Variants in NRXN3 observed in about 807,000 individuals in gnomAD.
NRXN3 encodes neurexin III.
NRXN3 carries 32 observed loss-of-function variants against 137.6 expected under a neutral mutation model. The ratio of observed to expected loss-of-function variants is 0.23; its 90% CI spans 0.18 to 0.31. The LOEUF is 0.31. Among genes scored for constraint, NRXN3 ranks in the 10% least tolerant of loss-of-function variants. The pLI, the probability that NRXN3 is intolerant of heterozygous loss-of-function variation, is 1.00. For synonymous variants in NRXN3, 798 were observed against 784.5 expected (o/e 1.02, Z -0.29); for missense variants, 1,574 against 2,062.5 (o/e 0.76, Z 4.59).
intron 17 of NRXN3, among the ~76,000 whole-genome samples, chr14:79,674,980 CA>C (rs930862851): frequency 2.0e-5 from 3 of 151,970 alleles, no homozygotes; most frequent in African/African-American, 7.2e-5. Context: ...TAATTAATAA[CA>C]GGTAAGACTG....
At chr14:79,018,906 TA>T (rs2099584230) in intron 15 of NRXN3, among the ~76,000 whole-genome samples, 1 of 152,238 alleles carries the variant, frequency 6.6e-6, no homozygotes. Flanking sequence ...AGCTGCTGAT[TA>T]AACATCTGTT....
chr14:79,003,232 C>G (rs10150326), intron 15 of NRXN3, among the ~76,000 whole-genome samples: 7,340 of 152,088 alleles, frequency 0.048, 635 homozygotes, highest in African/African-American at 0.17. Flanking sequence ...TTGGTTCTTG[C>G]CTGGAATGAA....
chr14:79,243,649 T>C lies in NRXN3; in HGVS notation c.3263-223572T>C, dbSNP rs189312089. Among the ~76,000 whole-genome samples, 15 of 152,306 alleles carry C rather than the reference T, an allele frequency of 9.8e-5. No individual in the cohort carries two copies. In the East Asian group the frequency reaches 1.5e-3, roughly 16 times the overall value. ...GACGATATAGCCTGTTGCTATATGGTACAGCCTATTGTTCCTAGGCTATAA... is the reference window on the plus strand; with the variant it reads ...GACGATATAGCCTGTTGCTATATGGCACAGCCTATTGTTCCTAGGCTATAA... On this transcript the variant is annotated intron_variant, in intron 15 of 20. Coordinates refer to ENST00000335750, the MANE Select transcript of NRXN3 (RefSeq NM_001330195.2).
At chr14:79,493,814 A>C (rs1601159474) in intron 16 of NRXN3, among the ~76,000 whole-genome samples, 1 of 152,074 alleles carries the variant, frequency 6.6e-6, no homozygotes, top group African/African-American at 2.4e-5. Context: ...TTATAAGACA[A>C]GTATTAGCAT....
At chr14:79,783,395 G>A (rs1341372448) in intron 19 of NRXN3, among the ~76,000 whole-genome samples, 2 of 152,156 alleles carry the variant, frequency 1.3e-5, no homozygotes, top group African/African-American at 4.8e-5. Flanking sequence ...AATCAGGTGA[G>A]CATTTTTAGA....
intron 9 of NRXN3, among the ~76,000 whole-genome samples, chr14:78,804,802 G>C (rs2098851309): frequency 6.6e-6 from 1 of 152,138 alleles, no homozygotes; most frequent in Non-Finnish European, 1.5e-5. Context: ...CATTTCTGCT[G>C]TTTCTAATCA....
At chr14:78,651,434 AGATT>A in intron 6 of NRXN3, 108 bp downstream of exon 6, 1 of 1,236,872 alleles carries the variant, frequency 8.1e-7, no homozygotes, top group Non-Finnish European at 1.1e-6. Flanking sequence ...ATGAGATGAT[AGATT>A]GCAGCAGAAA....
intron 15 of NRXN3, among the ~76,000 whole-genome samples, chr14:79,450,503 A>G (rs1477083213): frequency 2.0e-5 from 3 of 152,296 alleles, no homozygotes; most frequent in Middle Eastern, 3.4e-3. Context: ...ATCATTCCAC[A>G]TAGTTTACAT....
At position 79,335,677 on chromosome 14, in the gene NRXN3, T is replaced by G. The variant is rs765075327; in HGVS notation, c.3263-131544T>G. Among the ~76,000 whole-genome samples the G allele has an allele frequency of 7.9e-5, 12 of 152,108 alleles. 1 individual carries two copies. The highest frequency in any genetic ancestry group is 1.2e-4 in the Non-Finnish European group (8 of 67,996). On this transcript the variant is annotated intron_variant, in intron 15 of 20. Coordinates refer to ENST00000335750, the MANE Select transcript of NRXN3 (RefSeq NM_001330195.2). ...GATATATACTATATATATATCATTG[T>G]TTGTATGTATGTACATATATTGCAC...
chr14:78,457,370 G>T (rs1013817538), intron 4 of NRXN3, among the ~76,000 whole-genome samples: 17 of 152,216 alleles, frequency 1.1e-4, no homozygotes, highest in African/African-American at 4.1e-4. Flanking sequence ...ATGTGGTGTG[G>T]GAGTACAGAG....
chr14:78,302,150 A>G (rs1009744347), intron 4 of NRXN3, among the ~76,000 whole-genome samples: 5 of 152,240 alleles, frequency 3.3e-5, no homozygotes, highest in Non-Finnish European at 7.4e-5. Flanking sequence ...TCTCATTGGC[A>G]ATACATTAGA....
intron 4 of NRXN3, among the ~76,000 whole-genome samples, chr14:78,607,652 A>G (rs1204495354): frequency 6.6e-6 from 1 of 152,154 alleles, no homozygotes. Context: ...TTCAGATGAG[A>G]TTTATTCCTA....
At chr14:78,904,456 G>A (rs1346296487) in intron 10 of NRXN3, among the ~76,000 whole-genome samples, 2 of 152,048 alleles carry the variant, frequency 1.3e-5, no homozygotes, top group Non-Finnish European at 2.9e-5. Context: ...ACACCAACCA[G>A]TCCTTAGCCT....
chr14:78,312,707 C>T (rs1187344161), intron 4 of NRXN3, among the ~76,000 whole-genome samples: 2 of 151,890 alleles, frequency 1.3e-5, no homozygotes, highest in Non-Finnish European at 2.9e-5. Context: ...TAGTGCCCGT[C>T]CGTGAGGCAG....
intron 4 of NRXN3, among the ~76,000 whole-genome samples, chr14:78,328,770 A>C (rs2080423128): frequency 6.6e-6 from 1 of 152,216 alleles, no homozygotes; most frequent in African/African-American, 2.4e-5. Flanking sequence ...CTGGGCAAAG[A>C]AGGAAAGGCT....
At chr14:78,819,342 T>A (rs2098943827) in intron 10 of NRXN3, among the ~76,000 whole-genome samples, 1 of 151,886 alleles carries the variant, frequency 6.6e-6, no homozygotes, top group Non-Finnish European at 1.5e-5. Flanking sequence ...AAAATAATTT[T>A]AAAAAACAAT....
chr14:79,020,215 TCCC>T (rs2099586898), intron 15 of NRXN3, among the ~76,000 whole-genome samples: 1 of 2,026 alleles, frequency 4.9e-4, no homozygotes, highest in African/African-American at 2.1e-3. Context: ...TCCCCTCCCC[TCCC>T]CTCCCCTCCC....
At chr14:78,592,988 T>G (rs2097129856) in intron 4 of NRXN3, among the ~76,000 whole-genome samples, 1 of 152,198 alleles carries the variant, frequency 6.6e-6, no homozygotes, top group Non-Finnish European at 1.5e-5. Flanking sequence ...AGAGCGACCT[T>G]GCTCCTCATT....
At chr14:79,282,845 G>C (rs1173858891) in intron 15 of NRXN3, among the ~76,000 whole-genome samples, 1 of 152,120 alleles carries the variant, frequency 6.6e-6, no homozygotes, top group Admixed American at 6.5e-5. Context: ...TTGATTTGGG[G>C]CTTGGAGAGT....
Sources: gnomAD v4.1 joint callset for allele counts (sites outside exome capture counted in the v4.1 genomes callset) on GRCh38, gnomAD v4.1.1 for gene constraint, MANE v1.5 for transcripts, NCBI Gene and HGNC (gene_info 2026-07-23, HGNC 2026-07-21) for gene names.